The following CDH12 variants were observed in gnomAD, a reference collection of about 807,000 sequenced individuals.
CDH12 encodes cadherin-12.
A neutral mutation model predicts 74.1 loss-of-function variants in CDH12; 41 were observed. The observed-to-expected ratio is 0.55, with a 90% CI of 0.43 to 0.72. CDH12 has a LOEUF of 0.72. Ranked by LOEUF, CDH12 falls within the 30% of genes least tolerant of loss-of-function variation. The probability of loss-of-function intolerance (pLI) is 0.00; values close to 1 mark genes in which losing one functional copy is unlikely to be tolerated. For missense variants in CDH12, 945 were observed against 977.2 expected (o/e 0.97, Z 0.44); for synonymous variants, 399 against 355.0 (o/e 1.12, Z -1.39).
chr5:22,819,978 CAT>C (rs1214689062), intron 1 of CDH12, among the ~76,000 whole-genome samples: 4 of 145,406 alleles, frequency 2.8e-5, no homozygotes, highest in African/African-American at 7.5e-5. Flanking sequence ...TATACATATA[CAT>C]ATATATACAT....
chr5:21,893,991 G>A (rs1753007835), intron 6 of CDH12, among the ~76,000 whole-genome samples: 1 of 152,128 alleles, frequency 6.6e-6, no homozygotes, highest in African/African-American at 2.4e-5. Flanking sequence ...TTTAACGCCT[G>A]CAAGAGGTGC....
intron 1 of CDH12, among the ~76,000 whole-genome samples, chr5:22,515,726 C>T (rs1475130928): frequency 6.6e-6 from 1 of 151,916 alleles, no homozygotes; most frequent in Non-Finnish European, 1.5e-5. Flanking sequence ...TTTTATATCC[C>T]TACCTCACTC....
intron 6 of CDH12, among the ~76,000 whole-genome samples, chr5:21,856,159 T>A (rs2150002497): frequency 6.6e-6 from 1 of 151,736 alleles, no homozygotes; most frequent in African/African-American, 2.4e-5. Flanking sequence ...ATCACTATCA[T>A]TAAACACAAT....
intron 9 of CDH12, among the ~76,000 whole-genome samples, chr5:21,812,587 G>A (rs1476202306): frequency 6.6e-6 from 1 of 152,008 alleles, no homozygotes; most frequent in Non-Finnish European, 1.5e-5. Context: ...AATTGTTGTA[G>A]TGTTTCAATT....
At chr5:22,147,521 A>G (rs1337790394) in intron 4 of CDH12, among the ~76,000 whole-genome samples, 1 of 151,964 alleles carries the variant, frequency 6.6e-6, no homozygotes, top group Non-Finnish European at 1.5e-5. Context: ...AATCTTTTTG[A>G]AAAGTATCTG....
intron 1 of CDH12, among the ~76,000 whole-genome samples, chr5:22,769,901 C>T (rs988752629): frequency 6.6e-5 from 10 of 151,984 alleles, no homozygotes; most frequent in African/African-American, 1.9e-4. Flanking sequence ...ATATATAATC[C>T]AAACTCAAAG....
At chr5:22,257,173 A>C (rs1394029391) in intron 3 of CDH12, among the ~76,000 whole-genome samples, 2 of 152,138 alleles carry the variant, frequency 1.3e-5, no homozygotes, top group African/African-American at 4.8e-5. Flanking sequence ...GGCCTTTCAG[A>C]AAGTGCAGAG....
At chr5:21,801,132 G>A (rs144019970) in intron 10 of CDH12, among the ~76,000 whole-genome samples, 94 of 152,228 alleles carry the variant, frequency 6.2e-4, no homozygotes, top group African/African-American at 2.1e-3. Context: ...AGCAAGTTAC[G>A]TATGCTGTCA....
At chr5:22,441,487 G>T (rs571238986) in intron 2 of CDH12, among the ~76,000 whole-genome samples, 2 of 151,976 alleles carry the variant, frequency 1.3e-5, no homozygotes, top group African/African-American at 2.4e-5. Context: ...TATTTTTTAT[G>T]TTATTCTAAT....
intron 6 of CDH12, among the ~76,000 whole-genome samples, chr5:21,880,608 CTTCCTTCCTTCT>C (rs1752245665): frequency 1.1e-4 from 7 of 65,724 alleles, no homozygotes; most frequent in Admixed American, 4.2e-4. Context: ...TCCTTCCTTC[CTTCCTTCCTTCT>C]TTCTTTCTTT....
chr5:22,011,920 C>G (rs908227473), intron 5 of CDH12, among the ~76,000 whole-genome samples: 2 of 152,002 alleles, frequency 1.3e-5, no homozygotes, highest in African/African-American at 4.8e-5. Context: ...GAAAACAAAG[C>G]TGTTTCTTCA....
At chr5:21,883,403 G>A (rs1235799107) in intron 6 of CDH12, 3 of 1,559,366 alleles carry the variant, frequency 1.9e-6, no homozygotes, top group South Asian at 2.2e-5. Context: ...ATAAGCCTTT[G>A]GTGATAATCG....
intron 6 of CDH12, among the ~76,000 whole-genome samples, chr5:21,907,234 T>C (rs1753681620): frequency 6.6e-6 from 1 of 151,836 alleles, no homozygotes; most frequent in Non-Finnish European, 1.5e-5. Context: ...TACGCCCAAA[T>C]AGGGAAGAGT....
intron 6 of CDH12, among the ~76,000 whole-genome samples, chr5:21,879,889 G>C (rs575180423): frequency 5.3e-5 from 8 of 152,202 alleles, no homozygotes; most frequent in Non-Finnish European, 1.0e-4. Context: ...TAAAGTCATG[G>C]ATTCAATTAA....
At chr5:22,674,696 T>C (rs1032414721) in intron 1 of CDH12, among the ~76,000 whole-genome samples, 1 of 152,092 alleles carries the variant, frequency 6.6e-6, no homozygotes, top group Admixed American at 6.6e-5. Flanking sequence ...CTGATAACGA[T>C]ATGGACAAAG....
chr5:21,945,581 A>T (rs115292241), intron 6 of CDH12, among the ~76,000 whole-genome samples: 414 of 151,924 alleles, frequency 2.7e-3, no homozygotes, highest in African/African-American at 9.5e-3. Flanking sequence ...TTCAATAATG[A>T]CATAAGTTAT....
At chr5:22,545,652 T>C (rs923142196) in intron 1 of CDH12, among the ~76,000 whole-genome samples, 1 of 152,220 alleles carries the variant, frequency 6.6e-6, no homozygotes, top group African/African-American at 2.4e-5. Context: ...GGCATATGTA[T>C]AATCAACAAT....
intron 6 of CDH12, among the ~76,000 whole-genome samples, chr5:21,903,105 A>G (rs190663974): frequency 1.9e-3 from 288 of 152,242 alleles, no homozygotes; most frequent in African/African-American, 6.7e-3. Context: ...CCATTAAAAT[A>G]ATGATAAAAA....
At chr5:22,357,074 T>C (rs561674161) in intron 3 of CDH12, among the ~76,000 whole-genome samples, 34 of 152,184 alleles carry the variant, frequency 2.2e-4, no homozygotes, top group East Asian at 7.7e-4. Flanking sequence ...TAGAGAGATA[T>C]AGAGACAGCC....
Sources: gnomAD v4.1 joint callset for allele counts (sites outside exome capture counted in the v4.1 genomes callset) on GRCh38, gnomAD v4.1.1 for gene constraint, MANE v1.5 for transcripts, NCBI Gene and HGNC (gene_info 2026-07-23, HGNC 2026-07-21) for gene names.